The following ZDHHC5 variants were observed in gnomAD, a reference collection of about 807,000 sequenced individuals.
The protein encoded by ZDHHC5 is palmitoyltransferase ZDHHC5.
In ZDHHC5, 22 loss-of-function variants were observed where a neutral mutation model predicts 70.0. The observed-to-expected ratio is 0.31, with a 90% CI of 0.22 to 0.45. The LOEUF (loss-of-function observed/expected upper bound fraction) is 0.45, where lower values mean the gene tolerates loss of function less well. Among genes scored for constraint, ZDHHC5 ranks in the 20% least tolerant of loss-of-function variants. ZDHHC5 has a pLI of 1.00. For synonymous variants in ZDHHC5, 313 were observed against 347.8 expected, an observed-to-expected ratio of 0.90 and a Z score of 1.11; for missense variants, 746 against 926.9, an observed-to-expected ratio of 0.80 and a Z score of 2.53.
intron 4 of ZDHHC5, among the ~76,000 whole-genome samples, chr11:57,689,667 C>T (rs575251706): frequency 7.3e-5 from 11 of 149,664 alleles, no homozygotes; most frequent in Middle Eastern, 3.4e-3. Flanking sequence ...TGAGCCACCG[C>T]GCCCGGCCAA....
Position 57,699,326 on chromosome 11 carries a change from C to T in ZDHHC5, c.1890C>T (p.Tyr630=). 6.2e-7 allele frequency: 1 copy of T among 1,613,608 alleles called. No individual in the cohort carries two copies. Among genetic ancestry groups the T allele is most frequent in the Non-Finnish European group, 8.5e-7 (1 of 1,179,584 alleles). ...GSPEPGPTAP[Y]LGRSMSYSSQ... Reference sequence around the variant, plus strand: ...CTGAACCAGGCCCAACAGCCCCATACCTGGGCCGATCGATGTCTTACAGCA... The same window carrying T: ...CTGAACCAGGCCCAACAGCCCCATATCTGGGCCGATCGATGTCTTACAGCA... The change falls in exon 11 of 12, where the codon TAC becomes TAT. Residue 630 remains tyrosine, a synonymous_variant. Coordinates refer to ENST00000287169, the MANE Select transcript of ZDHHC5 (RefSeq NM_015457.3).
At chr11:57,673,393 G>A (rs17152018) in intron 2 of ZDHHC5, among the ~76,000 whole-genome samples, 199 bp downstream of exon 2, 5 of 152,050 alleles carry the variant, frequency 3.3e-5, no homozygotes, top group African/African-American at 9.7e-5. Context: ...GTTTTACTTC[G>A]CTGAATCTTC....
intron 2 of ZDHHC5, among the ~76,000 whole-genome samples, chr11:57,682,145 C>T (rs1180163256): frequency 6.6e-6 from 1 of 152,144 alleles, no homozygotes. Flanking sequence ...GTGGCAAGAT[C>T]CACAGGGTAG....
rs895364673 is a variant in ZDHHC5 at position 57,672,592 on chromosome 11, C to T, written c.-499C>T. On this transcript the variant is annotated 5_prime_UTR_variant, in exon 2 of 12. Coordinates refer to ENST00000287169, the MANE Select transcript of ZDHHC5 (RefSeq NM_015457.3). ...ACACAGGGCACACCTCTTTTAGGTG[C>T]AGCTCACATTTTATGGAACTGTAGT... is the stretch of plus-strand genomic sequence containing the variant. 1 of 232,484 alleles carries T rather than the reference C, an allele frequency of 4.3e-6. No individual in the cohort carries two copies. Among genetic ancestry groups the T allele is most frequent in the Non-Finnish European group, 8.2e-6 (1 of 121,444 alleles). The allele number at this position is 232,484 out of a possible 1,614,324, so 14.4% of individuals were successfully genotyped here.
In ZDHHC5 at chr11:57,673,026, G is replaced by A; in HGVS notation, c.-65G>A. 6.6e-7 allele frequency: 1 copy of A among 1,506,780 alleles called. No individual in the cohort carries two copies. The allele number at this position is 1,506,780 out of a possible 1,614,324, so 93.3% of individuals were successfully genotyped here. On this transcript the variant is annotated 5_prime_UTR_variant, in exon 2 of 12. Coordinates refer to ENST00000287169, the MANE Select transcript of ZDHHC5 (RefSeq NM_015457.3). The stretch of plus-strand genomic sequence containing the variant: ...GTTGCTTCCCTCCTCCCATTTTCTT[G>A]TCTGTTCTGCCGCTGTGTGGGCCTG...
intron 1 of ZDHHC5, 158 bp downstream of exon 1, chr11:57,668,345 T>G (rs1199824947): frequency 5.2e-6 from 1 of 192,418 alleles, no homozygotes; most frequent in Non-Finnish European, 1.1e-5. Context: ...GCGGGACCCA[T>G]GGGCCTTGGA....
intron 3 of ZDHHC5, among the ~76,000 whole-genome samples, chr11:57,684,956 G>A (rs750921922): frequency 4.6e-5 from 7 of 152,070 alleles, no homozygotes; most frequent in South Asian, 4.2e-4. Context: ...AGACCAGCCT[G>A]GTCAACATGG....
At chr11:57,668,597 G>A (rs866181015) in intron 1 of ZDHHC5, 7 of 152,474 alleles carry the variant, frequency 4.6e-5, no homozygotes, top group Non-Finnish European at 1.0e-4. Context: ...GCCCCAACGG[G>A]TGATTCTCCT....
chr11:57,684,367 C>T (rs377490883), intron 3 of ZDHHC5, among the ~76,000 whole-genome samples: 253 of 151,856 alleles, frequency 1.7e-3, no homozygotes, highest in South Asian at 2.5e-3. Context: ...GCAGATCACC[C>T]GAGGTCGGGA....
intron 1 of ZDHHC5, among the ~76,000 whole-genome samples, chr11:57,670,631 G>A (rs1382384628): frequency 6.6e-6 from 1 of 151,952 alleles, no homozygotes; most frequent in East Asian, 1.9e-4. Context: ...TGTTTTCTAG[G>A]ACTATAACAG....
At chr11:57,697,963 G>A (rs1946376272) in intron 10 of ZDHHC5, among the ~76,000 whole-genome samples, 1 of 150,946 alleles carries the variant, frequency 6.6e-6, no homozygotes, top group Non-Finnish European at 1.5e-5. Flanking sequence ...GTGAAACCCT[G>A]TCTCTACTAA....
intron 6 of ZDHHC5, 77 bp downstream of exon 6, chr11:57,690,514 T>A (rs1226044229): frequency 8.7e-5 from 126 of 1,448,482 alleles, no homozygotes; most frequent in Non-Finnish European, 1.2e-4. Flanking sequence ...TGCAGTGTAG[T>A]GCTTCCACAA....
intron 1 of ZDHHC5, among the ~76,000 whole-genome samples, chr11:57,670,260 T>C (rs1456345463): frequency 1.3e-5 from 2 of 151,912 alleles, no homozygotes; most frequent in African/African-American, 4.8e-5. Context: ...CACCTGGAGG[T>C]CAGGAGTTCG....
At chr11:57,696,365 A>G (rs1590871312) in intron 9 of ZDHHC5, among the ~76,000 whole-genome samples, 1 of 152,168 alleles carries the variant, frequency 6.6e-6, no homozygotes, top group South Asian at 2.1e-4. Flanking sequence ...AGCGAAGGGT[A>G]TATCTATTCC....
intron 1 of ZDHHC5, among the ~76,000 whole-genome samples, chr11:57,669,037 C>T (rs1945965186): frequency 6.6e-6 from 1 of 152,334 alleles, no homozygotes; most frequent in East Asian, 1.9e-4. Flanking sequence ...ATTTGCATAT[C>T]ATCCTTCTAT....
At chr11:57,675,813 CCT>C (rs1452555649) in intron 2 of ZDHHC5, among the ~76,000 whole-genome samples, 1 of 152,230 alleles carries the variant, frequency 6.6e-6, no homozygotes, top group Non-Finnish European at 1.5e-5. Context: ...TAAAAACTAT[CCT>C]CTCATGTATT....
rs144160236 is a variant in ZDHHC5, at chr11:57,685,461, A to G, written c.226+2918A>G. Among the ~76,000 whole-genome samples the G allele has an allele frequency of 2.0e-3, 307 of 152,256 alleles. 3 individuals carry two copies. Among genetic ancestry groups the G allele is most frequent in the African/African-American group, 7.0e-3 (289 of 41,564 alleles). ...CAGGAGTTCGAGACCAGCCTGGCCA[A>G]CATGGCGAAACCCCGTCTCTACTAA... is the stretch of plus-strand genomic sequence containing the variant. On this transcript the variant is annotated intron_variant, in intron 3 of 11. Transcript: ENST00000287169.
chr11:57,682,628 A>C, intron 3 of ZDHHC5, 85 bp downstream of exon 3: 1 of 1,475,608 alleles, frequency 6.8e-7, no homozygotes, highest in Non-Finnish European at 9.1e-7. Context: ...CTTGGGCCTT[A>C]AGAGTCCTGG....
At chr11:57,696,424 A>AC (rs1946352332) in intron 9 of ZDHHC5, among the ~76,000 whole-genome samples, 1 of 152,188 alleles carries the variant, frequency 6.6e-6, no homozygotes, top group African/African-American at 2.4e-5. Context: ...GATAAAGTGA[A>AC]CAACTCATAG....
Sources: gnomAD v4.1 joint callset for allele counts (sites outside exome capture counted in the v4.1 genomes callset) on GRCh38, gnomAD v4.1.1 for gene constraint, MANE v1.5 for transcripts, NCBI Gene and HGNC (gene_info 2026-07-23, HGNC 2026-07-21) for gene names.